Variants in ABCG2 observed in about 807,000 individuals in gnomAD.
ABCG2 encodes the protein ATP binding cassette subfamily G member 2 (JR blood group).
Under a neutral mutation model 73.5 loss-of-function variants are expected in ABCG2, and 80 were observed. The ratio of observed to expected loss-of-function variants is 1.09; its 90% confidence interval spans 0.91 to 1.31. ABCG2 has a LOEUF of 1.31. ABCG2 is among the 50% of genes most tolerant of loss of function. ABCG2 has a pLI of 0.00. For synonymous variants in ABCG2, 269 were observed against 282.4 expected (o/e 0.95, Z 0.48); for missense variants, 796 against 786.2 (o/e 1.01, Z -0.15).
chr4:88,132,470 C>T (rs765071753), intron 3 of ABCG2, 106 bp downstream of exon 3: 46 of 1,183,410 alleles, frequency 3.9e-5, no homozygotes, highest in South Asian at 5.1e-5. Flanking sequence ...ACCTGACATG[C>T]GTTGCAAATG....
rs534608905 is a variant in ABCG2, at chr4:88,165,746, C to T, written c.-19-25732G>A. Reference sequence around the variant, plus strand: ...AAAATTAAGCGGGCATGGTGGCATGCGCCTGTAGTCCCAGCTACTCGGGAG... The same window carrying T: ...AAAATTAAGCGGGCATGGTGGCATGTGCCTGTAGTCCCAGCTACTCGGGAG... On this transcript the variant is annotated intron_variant, in intron 1 of 15. Transcript: ENST00000515655. 3.9e-5 allele frequency among the ~76,000 whole-genome samples: 6 copies of T among 152,178 alleles called. No individual in the cohort carries two copies. In the South Asian group the frequency reaches 1.0e-3, roughly 26 times the overall value.
rs201783299 is a variant in ABCG2 at position 88,114,360 on chromosome 4, C to T, written c.943+597G>A. Reference sequence around the variant, plus strand: ...TTCTGGTCGTGGCCAGGGGCGGTGGCTCACACCTGTAATCCCAACACTTTG... The same window carrying T: ...TTCTGGTCGTGGCCAGGGGCGGTGGTTCACACCTGTAATCCCAACACTTTG... On this transcript the variant is annotated intron_variant, in intron 8 of 15. Coordinates refer to ENST00000237612, the MANE Select transcript of ABCG2 (RefSeq NM_004827.3). Among the ~76,000 whole-genome samples, 21 of 152,238 alleles carry T rather than the reference C, an allele frequency of 1.4e-4. No individual in the cohort carries two copies. The East Asian group carries it at 4.1e-3, about 29-fold the overall frequency.
intron 5 of ABCG2, among the ~76,000 whole-genome samples, chr4:88,123,652 A>G (rs1202649644): frequency 6.6e-6 from 1 of 152,158 alleles, no homozygotes; most frequent in Non-Finnish European, 1.5e-5. Context: ...GCCTTCAAGA[A>G]ATATGGGACT....
intron 10 of ABCG2, among the ~76,000 whole-genome samples, chr4:88,104,093 T>C (rs975184376): frequency 5.9e-5 from 9 of 152,224 alleles, no homozygotes; most frequent in Non-Finnish European, 1.0e-4. Flanking sequence ...TGAATACTGT[T>C]TTTAAAGTAT....
chr4:88,221,334 G>A (rs1730005373), intron 1 of ABCG2, among the ~76,000 whole-genome samples: 1 of 152,140 alleles, frequency 6.6e-6, no homozygotes, highest in African/African-American at 2.4e-5. Context: ...AGCAGCATGA[G>A]AACGGACTAA....
chr4:88,215,266 G>A (rs543038962), intron 1 of ABCG2, among the ~76,000 whole-genome samples: 8 of 152,272 alleles, frequency 5.3e-5, no homozygotes, highest in Admixed American at 1.3e-4. Context: ...ATAGCATGTT[G>A]GCTGGAGTAC....
At chr4:88,194,640 A>G (rs149216582) in intron 1 of ABCG2, among the ~76,000 whole-genome samples, 3 of 149,696 alleles carry the variant, frequency 2.0e-5, no homozygotes, top group Admixed American at 1.3e-4. Flanking sequence ...GACTGCTTCT[A>G]TATTTCTTGA....
At chr4:88,200,661 T>TGTCAC (rs1261102366) in intron 1 of ABCG2, among the ~76,000 whole-genome samples, 1 of 152,054 alleles carries the variant, frequency 6.6e-6, no homozygotes, top group Non-Finnish European at 1.5e-5. Flanking sequence ...TACAGGTGCC[T>TGTCAC]GTCACCACGC....
intron 1 of ABCG2, among the ~76,000 whole-genome samples, chr4:88,218,355 G>C (rs1729889367): frequency 1.3e-5 from 2 of 152,242 alleles, no homozygotes; most frequent in South Asian, 4.1e-4. Context: ...ATAACAGCAG[G>C]TATTTCTATT....
At chr4:88,169,843 G>A (rs1297382736) in intron 1 of ABCG2, among the ~76,000 whole-genome samples, 1 of 152,110 alleles carries the variant, frequency 6.6e-6, no homozygotes, top group Non-Finnish European at 1.5e-5. Flanking sequence ...AGGCACAGTG[G>A]CTCACACCTG....
chr4:88,119,715 T>G (rs1459146452), intron 6 of ABCG2, among the ~76,000 whole-genome samples: 1 of 152,202 alleles, frequency 6.6e-6, no homozygotes, highest in Non-Finnish European at 1.5e-5. Context: ...AGAAGAAATT[T>G]CTAAGCAACA....
At chr4:88,179,534 A>G (rs979469314) in intron 1 of ABCG2, among the ~76,000 whole-genome samples, 2 of 152,214 alleles carry the variant, frequency 1.3e-5, no homozygotes, top group African/African-American at 4.8e-5. Context: ...CATCCAGGAA[A>G]ACATGACCTC....
At chr4:88,114,866 T>C in intron 8 of ABCG2, 91 bp downstream of exon 8, 1 of 792,298 alleles carries the variant, frequency 1.3e-6, no homozygotes. Flanking sequence ...CAACAGAAAT[T>C]CACAAAGCCA....
intron 10 of ABCG2, among the ~76,000 whole-genome samples, chr4:88,105,397 A>T (rs1184541601): frequency 6.6e-6 from 1 of 152,212 alleles, no homozygotes; most frequent in Non-Finnish European, 1.5e-5. Context: ...TACGGAGCAC[A>T]GTATCTGCCA....
intron 1 of ABCG2, among the ~76,000 whole-genome samples, chr4:88,149,133 T>C (rs1396535756): frequency 1.3e-5 from 2 of 152,114 alleles, no homozygotes; most frequent in Non-Finnish European, 2.9e-5. Context: ...GGGGATCCCT[T>C]GAGCCCAGGG....
At chr4:88,230,793 T>A (rs1271074703) in intron 1 of ABCG2, among the ~76,000 whole-genome samples, 1 of 152,180 alleles carries the variant, frequency 6.6e-6, no homozygotes, top group Non-Finnish European at 1.5e-5. Flanking sequence ...TCAGCTGAGA[T>A]GTGCAGAATC....
chr4:88,218,876 G>T (rs1263453587), intron 1 of ABCG2, among the ~76,000 whole-genome samples: 1 of 152,188 alleles, frequency 6.6e-6, no homozygotes, highest in African/African-American at 2.4e-5. Flanking sequence ...AGGCCAGATA[G>T]TGAATATTTT....
At chr4:88,227,698 A>T (rs1297048261) in intron 1 of ABCG2, among the ~76,000 whole-genome samples, 1 of 152,150 alleles carries the variant, frequency 6.6e-6, no homozygotes, top group Non-Finnish European at 1.5e-5. Flanking sequence ...ACTGTCAAAT[A>T]TTTTTTTCCT....
chr4:88,120,775 G>A (rs565742755), intron 6 of ABCG2, among the ~76,000 whole-genome samples: 4 of 152,206 alleles, frequency 2.6e-5, no homozygotes, highest in African/African-American at 7.2e-5. Flanking sequence ...TTTAGAATGT[G>A]AACTTTTGAG....
Sources: gnomAD v4.1 joint callset for allele counts (sites outside exome capture counted in the v4.1 genomes callset) on GRCh38, gnomAD v4.1.1 for gene constraint, MANE v1.5 for transcripts, NCBI Gene and HGNC (gene_info 2026-07-23, HGNC 2026-07-21) for gene names.